The following STIL variants were observed in gnomAD, a reference collection of about 807,000 sequenced individuals.
STIL encodes the protein SCL-interrupting locus protein.
Under a neutral mutation model 110.1 loss-of-function variants are expected in STIL, and 55 were observed. That is an observed-to-expected ratio of 0.50 (90% CI 0.40 to 0.63). STIL has a LOEUF of 0.63. STIL is among the 20% of genes least tolerant of loss of function. STIL has a pLI of 0.00. For missense variants in STIL, 1,358 were observed against 1,530.0 expected (o/e 0.89, Z 1.87); for synonymous variants, 481 against 530.0 (o/e 0.91, Z 1.27).
Position 47,272,135 on chromosome 1 carries a change from T to A in STIL, c.2324A>T (p.Glu775Val), listed in dbSNP as rs1260371617. 1.2e-6 allele frequency: 2 copies of A among 1,614,184 alleles called. No homozygotes were observed. The highest frequency in any genetic ancestry group is 2.2e-5 in the South Asian group (2 of 91,088). ...AGRQMELVSV[E>V]AQSSPGLHMR... ...GTGCAAGCCAGGGGAAGACTGTGCT[T>A]CCACAGAAACCAACTCCATTTGTCT... Residue 775 changes from glutamate (E) to valine (V), a missense_variant, in exon 13 of 17, where the codon GAA becomes GTA. Glu to Val is a moderately radical substitution (Grantham distance 121, BLOSUM62 -2). Transcript: ENST00000371877.
chr1:47,280,176 G>C, intron 12 of STIL, 65 bp downstream of exon 12: 2 of 1,600,432 alleles, frequency 1.2e-6, no homozygotes, highest in African/African-American at 1.3e-5. Flanking sequence ...ACTGAGGAGA[G>C]GTGCCAGTTT....
chr1:47,275,275 A>G (rs1207358224), intron 12 of STIL, among the ~76,000 whole-genome samples: 1 of 151,986 alleles, frequency 6.6e-6, no homozygotes, highest in Non-Finnish European at 1.5e-5. Context: ...AAAAGAAGCA[A>G]CAAATATAAT....
At position 47,251,131 on chromosome 1, in the gene STIL, A is replaced by C; in HGVS notation, c.*5T>G. ...CCTGTATTAAAAGGGCAGGGAGTTA[A>C]AAGGTTAAAATAATTTTGGTAACTG... On this transcript the variant is annotated 3_prime_UTR_variant, in exon 17 of 17. Transcript: ENST00000371877. 6.2e-7 allele frequency: 1 copy of C among 1,613,524 alleles called. No individual in the cohort carries two copies. The highest frequency in any genetic ancestry group is 8.5e-7 in the Non-Finnish European group (1 of 1,179,852).
intron 6 of STIL, 55 bp downstream of exon 6, chr1:47,299,850 A>T: frequency 6.4e-7 from 1 of 1,557,890 alleles, no homozygotes; most frequent in Non-Finnish European, 8.8e-7. Flanking sequence ...TTACATGGAC[A>T]TTCTGAAAAT....
chr1:47,287,421 CA>C (rs1645334165), intron 10 of STIL, 129 bp downstream of exon 10: 1 of 634,466 alleles, frequency 1.6e-6, no homozygotes, highest in Non-Finnish European at 2.6e-6. Context: ...GCATTTAAAA[CA>C]AAGACATTTA....
chr1:47,301,902 T>G (rs1645815260), intron 4 of STIL, among the ~76,000 whole-genome samples, 154 bp from the exon 5 acceptor site: 1 of 152,222 alleles, frequency 6.6e-6, no homozygotes, highest in South Asian at 2.1e-4. Flanking sequence ...AACTAAACTC[T>G]TATAAGCGTA....
rs1646217682 is a variant in STIL, at chr1:47,314,018, G to A, written c.-44+18C>T. The A allele has an allele frequency of 6.6e-6, 1 of 152,476 alleles. No individual in the cohort carries two copies. 9.4% of individuals were successfully genotyped at this position (152,476 alleles called of 1,614,324 possible). On this transcript the variant is annotated intron_variant, in intron 1 of 16. Coordinates refer to ENST00000371877, the MANE Select transcript of STIL (RefSeq NM_001048166.1). ...GCCGCCTCTCAAGGGGAAACCAGGAGCACAAAGCTCCACTTACCGCAACTT... is the reference window on the plus strand; with the variant it reads ...GCCGCCTCTCAAGGGGAAACCAGGAACACAAAGCTCCACTTACCGCAACTT...
chr1:47,298,573 A>C (rs998984495), intron 6 of STIL, among the ~76,000 whole-genome samples: 1 of 151,958 alleles, frequency 6.6e-6, no homozygotes, highest in Non-Finnish European at 1.5e-5. Flanking sequence ...AAAACCACAT[A>C]CTATAAATGA....
chr1:47,262,215 A>C (rs1457131618), intron 15 of STIL, among the ~76,000 whole-genome samples: 4 of 152,198 alleles, frequency 2.6e-5, no homozygotes, highest in Non-Finnish European at 5.9e-5. Flanking sequence ...GGGCCCTGTG[A>C]AGTATGTTGC....
chr1:47,279,382 T>C (rs1423447142), intron 12 of STIL, among the ~76,000 whole-genome samples: 4 of 152,118 alleles, frequency 2.6e-5, no homozygotes, highest in African/African-American at 7.2e-5. Context: ...TTTCAGGTTG[T>C]TCCCATTGGT....
At chr1:47,267,903 C>T (rs1644701812) in intron 14 of STIL, among the ~76,000 whole-genome samples, 1 of 151,834 alleles carries the variant, frequency 6.6e-6, no homozygotes, top group Admixed American at 6.6e-5. Context: ...GCCTAGCCTA[C>T]GATCCTTATT....
At chr1:47,273,397 A>G (rs903234112) in intron 12 of STIL, among the ~76,000 whole-genome samples, 18 of 152,188 alleles carry the variant, frequency 1.2e-4, no homozygotes, top group African/African-American at 4.1e-4. Context: ...ACGGTCTAAC[A>G]TGATTTCTAT....
intron 5 of STIL, 92 bp from the exon 6 acceptor site, chr1:47,300,244 A>G (rs1645764680): frequency 3.2e-6 from 4 of 1,230,894 alleles, no homozygotes; most frequent in Non-Finnish European, 4.5e-6. Flanking sequence ...TACATATATA[A>G]TATCTTGCAC....
At chr1:47,253,554 A>AT (rs1644246465) in intron 16 of STIL, among the ~76,000 whole-genome samples, 1 of 152,074 alleles carries the variant, frequency 6.6e-6, no homozygotes, top group Admixed American at 6.5e-5. Context: ...GATTTGAGCT[A>AT]TTTTTTCCAA....
chr1:47,263,411 AC>A (rs1644538576), intron 14 of STIL, among the ~76,000 whole-genome samples: 1 of 152,140 alleles, frequency 6.6e-6, no homozygotes, highest in Non-Finnish European at 1.5e-5. Flanking sequence ...TGGGTGTGAC[AC>A]CATGCACCTG....
chr1:47,261,761 AATT>A (rs1644492722), intron 15 of STIL, among the ~76,000 whole-genome samples: 1 of 150,694 alleles, frequency 6.6e-6, no homozygotes, highest in African/African-American at 2.4e-5. Flanking sequence ...AAAAAAAAAA[AATT>A]AGCCAGGCAT....
At chr1:47,267,880 T>G (rs1453954847) in intron 14 of STIL, among the ~76,000 whole-genome samples, 3 of 151,932 alleles carry the variant, frequency 2.0e-5, no homozygotes, top group Non-Finnish European at 2.9e-5. Context: ...CAGTTACAGG[T>G]AAGAGTCACT....
rs749789917 is a variant in STIL at position 47,251,937 on chromosome 1, G to T, written c.3081-15C>A. The T allele has an allele frequency of 6.2e-7, 1 of 1,608,600 alleles. No homozygotes were observed. Among genetic ancestry groups the T allele is most frequent in the South Asian group, 1.1e-5 (1 of 90,204 alleles). On this transcript the variant is annotated splice_polypyrimidine_tract_variant and intron_variant, in intron 16 of 16. Transcript: ENST00000371877. The stretch of plus-strand genomic sequence containing the variant: ...ATGCCAACACACTGAAAGACACAAA[G>T]TAGTAAGCCATCATTTACCATATTC...
intron 1 of STIL, 22 bp from the exon 2 acceptor site, chr1:47,310,384 T>C: frequency 2.8e-6 from 4 of 1,416,090 alleles, no homozygotes; most frequent in East Asian, 4.6e-5. Flanking sequence ...AAGAGAATAT[T>C]ACTAATGAAT....
Sources: allele counts gnomAD v4.1 joint callset (sites outside exome capture counted in the v4.1 genomes callset), GRCh38; gene constraint gnomAD v4.1.1; transcripts MANE v1.5; gene names NCBI Gene and HGNC (gene_info 2026-07-23, HGNC 2026-07-21).